The following TUBA1B variants were observed in gnomAD, a reference collection of about 807,000 sequenced individuals.
The protein encoded by TUBA1B is tubulin alpha-1B chain.
In TUBA1B, 1 loss-of-function variant was observed where a neutral mutation model predicts 34.4. The observed-to-expected ratio is 0.03, with a 90% confidence interval of 0.01 to 0.14. The LOEUF (loss-of-function observed/expected upper bound fraction) is 0.14. TUBA1B is among the 10% of genes least tolerant of loss of function. TUBA1B has a pLI of 1.00. For synonymous variants in TUBA1B, 197 were observed against 212.5 expected, an observed-to-expected ratio of 0.93 and a Z score of 0.64; for missense variants, 54 against 583.6, an observed-to-expected ratio of 0.09 and a Z score of 9.35.
chr12:49,131,023 A>G, intron 1 of TUBA1B: 2 of 433,646 alleles, frequency 4.6e-6, no homozygotes, highest in South Asian at 5.5e-5. Flanking sequence ...ACGCGACAAA[A>G]GAGAGCTCCG....
Sources: gnomAD v4.1 joint callset for allele counts on GRCh38, gnomAD v4.1.1 for gene constraint, MANE v1.5 for transcripts, NCBI Gene and HGNC (gene_info 2026-07-23, HGNC 2026-07-21) for gene names.